The following KLHL32 variants were observed in gnomAD, a reference collection of about 807,000 sequenced individuals.
The protein encoded by KLHL32 is kelch-like protein 32.
KLHL32 carries 35 observed loss-of-function variants against 64.8 expected under a neutral mutation model. That is an observed-to-expected ratio of 0.54 (90% CI 0.41 to 0.72). The LOEUF (loss-of-function observed/expected upper bound fraction) is 0.72, where lower values mean the gene tolerates loss of function less well. Among genes scored for constraint, KLHL32 ranks in the 30% least tolerant of loss-of-function variants. KLHL32 has a pLI of 0.00. For synonymous variants in KLHL32, 259 were observed against 281.0 expected, an observed-to-expected ratio of 0.92 and a Z score of 0.78; for missense variants, 589 against 768.5, an observed-to-expected ratio of 0.77 and a Z score of 2.76.
At chr6:96,929,864 G>A (rs1204681364) in intron 1 of KLHL32, among the ~76,000 whole-genome samples, 1 of 152,158 alleles carries the variant, frequency 6.6e-6, no homozygotes, top group Non-Finnish European at 1.5e-5. Flanking sequence ...ATTGAAAGCT[G>A]TAAATTTGTC....
intron 1 of KLHL32, among the ~76,000 whole-genome samples, chr6:96,935,373 A>G (rs1770456233): frequency 6.6e-6 from 1 of 152,214 alleles, no homozygotes; most frequent in African/African-American, 2.4e-5. Flanking sequence ...TGACCATTTC[A>G]GGACTAGAAT....
At chr6:96,989,393 A>AT (rs1777565955) in intron 3 of KLHL32, among the ~76,000 whole-genome samples, 1 of 152,078 alleles carries the variant, frequency 6.6e-6, no homozygotes, top group Admixed American at 6.6e-5. Context: ...CTTGGATGGA[A>AT]TTTTTTTCTT....
At chr6:97,016,894 A>G (rs1189194159) in intron 3 of KLHL32, among the ~76,000 whole-genome samples, 4 of 152,124 alleles carry the variant, frequency 2.6e-5, no homozygotes, top group African/African-American at 9.7e-5. Context: ...AAGAGGCCCT[A>G]TCCCCTTCAC....
the KLHL32 span, among the ~76,000 whole-genome samples, chr6:96,916,850 C>A: frequency 4.6e-5 from 7 of 152,172 alleles, no homozygotes; most frequent in Non-Finnish European, 5.9e-5. Context: ...GTTTATAGTG[C>A]TATTTTTTTG....
At chr6:97,081,333 CA>C (rs1406771703) in intron 5 of KLHL32, among the ~76,000 whole-genome samples, 1 of 151,968 alleles carries the variant, frequency 6.6e-6, no homozygotes, top group Non-Finnish European at 1.5e-5. Context: ...ATGATGGGGA[CA>C]GAGGACTATT....
At chr6:97,121,629 AGTTTT>A (rs545341344) in intron 7 of KLHL32, among the ~76,000 whole-genome samples, 82 of 152,222 alleles carry the variant, frequency 5.4e-4, no homozygotes, top group African/African-American at 1.9e-3. Context: ...GGTGTTGTAA[AGTTTT>A]GTTTTGTTTT....
chr6:97,130,875 T>C lies in KLHL32; in HGVS notation c.1532T>C (p.Ile511Thr), dbSNP rs1408738287. 3.1e-6 allele frequency: 5 copies of C among 1,613,996 alleles called. No homozygotes were observed. Among genetic ancestry groups the C allele is most frequent in the Non-Finnish European group, 3.4e-6 (4 of 1,179,982 alleles). The change falls in exon 9 of 11, where the codon ATC becomes ACC. Residue 511 changes from isoleucine to threonine, a missense_variant. Physicochemically the swap from Ile to Thr is moderately conservative, Grantham distance 89. Coordinates refer to ENST00000369261, the MANE Select transcript of KLHL32 (RefSeq NM_052904.4). ...GACCTAGACTACAATAATGACCGGA[T>C]CCTTGTGCGCCATATAGATTCTTAC... ...GNDLDYNNDR[I>T]LVRHIDSYNI...
intron 1 of KLHL32, among the ~76,000 whole-genome samples, chr6:96,943,324 G>A (rs1415488292): frequency 6.6e-6 from 1 of 151,338 alleles, no homozygotes; most frequent in East Asian, 1.9e-4. Context: ...TTGGTCTCTT[G>A]GTGTCATTCA....
intron 3 of KLHL32, among the ~76,000 whole-genome samples, chr6:97,016,250 G>A (rs557196714): frequency 1.2e-4 from 19 of 152,332 alleles, no homozygotes; most frequent in East Asian, 1.9e-4. Context: ...TGTGTGCCTC[G>A]GAAAGCTGAA....
intron 6 of KLHL32, among the ~76,000 whole-genome samples, chr6:97,100,006 G>A (rs6907881): frequency 0.073 from 11,141 of 152,034 alleles, 1,360 homozygotes; most frequent in African/African-American, 0.25. Flanking sequence ...TTAGCCAGGC[G>A]CGGTGGTGCA....
At chr6:96,968,161 C>T (rs1774680075) in intron 2 of KLHL32, among the ~76,000 whole-genome samples, 1 of 152,100 alleles carries the variant, frequency 6.6e-6, no homozygotes, top group Non-Finnish European at 1.5e-5. Flanking sequence ...GGTGTAACGC[C>T]TCTGCACTCC....
chr6:96,991,540 A>T (rs959769537), intron 3 of KLHL32, among the ~76,000 whole-genome samples: 22 of 151,880 alleles, frequency 1.4e-4, no homozygotes, highest in African/African-American at 5.3e-4. Flanking sequence ...ACCAACTGAC[A>T]TGTTCAGGCC....
At chr6:96,975,754 C>G (rs929210977) in intron 2 of KLHL32, among the ~76,000 whole-genome samples, 3 of 151,934 alleles carry the variant, frequency 2.0e-5, no homozygotes, top group African/African-American at 7.3e-5. Flanking sequence ...CACACAAACA[C>G]AAATGCAGAA....
chr6:97,064,844 G>A (rs1789468955), intron 5 of KLHL32, 118 bp downstream of exon 5: 13 of 765,454 alleles, frequency 1.7e-5, no homozygotes, highest in Non-Finnish European at 2.8e-5. Context: ...TGTGGGCTGT[G>A]GTAGTAGAGT....
At chr6:96,972,095 G>A (rs527419138) in intron 2 of KLHL32, among the ~76,000 whole-genome samples, 91 of 152,118 alleles carry the variant, frequency 6.0e-4, no homozygotes, top group African/African-American at 2.0e-3. Context: ...CAGATGATCC[G>A]CCCACTTTGG....
At chr6:97,002,379 GA>G (rs1388777464) in intron 3 of KLHL32, among the ~76,000 whole-genome samples, 1 of 152,036 alleles carries the variant, frequency 6.6e-6, no homozygotes, top group Non-Finnish European at 1.5e-5. Context: ...AATATTTCAA[GA>G]AAAAAGCATA....
intron 3 of KLHL32, among the ~76,000 whole-genome samples, chr6:97,005,184 A>T (rs926819889): frequency 6.6e-6 from 1 of 151,988 alleles, no homozygotes. Flanking sequence ...TCAGGATTTC[A>T]ATTTCTTCCT....
At chr6:97,049,700 A>C (rs1786534935) in intron 4 of KLHL32, among the ~76,000 whole-genome samples, 1 of 152,212 alleles carries the variant, frequency 6.6e-6, no homozygotes, top group African/African-American at 2.4e-5. Flanking sequence ...AAGTTTGAGA[A>C]GTGTGAAACA....
chr6:97,024,812 A>G (rs1782496369), intron 3 of KLHL32, among the ~76,000 whole-genome samples: 2 of 152,186 alleles, frequency 1.3e-5, no homozygotes, highest in Admixed American at 6.5e-5. Context: ...ATAATAGCTA[A>G]CATTTTTTAT....
Sources: allele counts gnomAD v4.1 joint callset (sites outside exome capture counted in the v4.1 genomes callset), GRCh38; gene constraint gnomAD v4.1.1; transcripts MANE v1.5; gene names NCBI Gene and HGNC (gene_info 2026-07-23, HGNC 2026-07-21).